Variants in RALGPS1 observed in about 807,000 individuals in gnomAD.
RALGPS1 encodes Ral GEF with PH domain and SH3 binding motif 1, also known as ras-specific guanine nucleotide-releasing factor RalGPS1.
A neutral mutation model predicts 78.8 loss-of-function variants in RALGPS1; 19 were observed. The ratio of observed to expected loss-of-function variants is 0.24; its 90% CI spans 0.17 to 0.35. The LOEUF is 0.35. Among genes scored for constraint, RALGPS1 ranks in the 10% least tolerant of loss-of-function variants. The probability of loss-of-function intolerance (pLI) is 1.00; values close to 1 mark genes in which losing one functional copy is unlikely to be tolerated. For synonymous variants in RALGPS1, 228 were observed against 256.3 expected (o/e 0.89, Z 1.06); for missense variants, 454 against 688.3 (o/e 0.66, Z 3.81).
chr9:126,951,428 T>A (rs2037805323), intron 1 of RALGPS1, among the ~76,000 whole-genome samples: 1 of 151,460 alleles, frequency 6.6e-6, no homozygotes, highest in South Asian at 2.1e-4. Flanking sequence ...AATAAAATAC[T>A]GGCAAACCGA....
chr9:127,021,262 G>A (rs965061546), intron 4 of RALGPS1, among the ~76,000 whole-genome samples: 6 of 152,074 alleles, frequency 3.9e-5, no homozygotes, highest in African/African-American at 9.7e-5. Context: ...AGCACTTTGC[G>A]AGGCCGAGGC....
chr9:126,970,830 T>C (rs1352291806), intron 3 of RALGPS1, among the ~76,000 whole-genome samples: 1 of 152,170 alleles, frequency 6.6e-6, no homozygotes, highest in East Asian at 1.9e-4. Flanking sequence ...TTCAGAGTTA[T>C]TGTACAAAAA....
chr9:127,115,640 T>C (rs755610194), intron 8 of RALGPS1, among the ~76,000 whole-genome samples: 3 of 152,246 alleles, frequency 2.0e-5, no homozygotes, highest in Non-Finnish European at 2.9e-5. Context: ...AGATTGTCTC[T>C]TCAACCAGTA....
chr9:127,166,026 G>T, intron 8 of RALGPS1, 43 bp from the exon 9 acceptor site: 2 of 1,575,738 alleles, frequency 1.3e-6, no homozygotes, highest in Non-Finnish European at 1.7e-6. Flanking sequence ...GTTCTGGTTT[G>T]TGGTAAGCTC....
intron 1 of RALGPS1, among the ~76,000 whole-genome samples, chr9:126,961,905 G>A (rs1456336674): frequency 6.6e-6 from 1 of 152,152 alleles, no homozygotes; most frequent in African/African-American, 2.4e-5. Flanking sequence ...CCAATCCAAG[G>A]GGCAGCCACC....
chr9:127,068,851 A>G (rs1369858655), intron 7 of RALGPS1, among the ~76,000 whole-genome samples: 1 of 152,216 alleles, frequency 6.6e-6, no homozygotes, highest in African/African-American at 2.4e-5. Flanking sequence ...GGTGCAGATT[A>G]TGCAGAAATT....
Position 127,210,545 on chromosome 9 carries a change from G to A in RALGPS1, c.1248-1586G>A, listed in dbSNP as rs192984760. The A allele has an allele frequency of 8.5e-4, 532 of 626,154 alleles. 5 individuals are homozygous for A. The highest frequency in any genetic ancestry group is 3.1e-3 in the East Asian group (112 of 36,366). 38.8% of individuals were successfully genotyped at this position (626,154 alleles called of 1,614,324 possible). A position where few individuals can be genotyped will look rare whatever the true frequency, so the allele number is the denominator to read the frequency against. On this transcript the variant is annotated intron_variant, in intron 14 of 18. Coordinates refer to ENST00000259351, the MANE Select transcript of RALGPS1 (RefSeq NM_014636.3). ...CTCCAGGTGTGCTTGTAGTGTGGCC[G>A]AGGAGGCTGGGGAGGAGTTGGGGAG...
chr9:127,126,414 A>T (rs2056621988), intron 8 of RALGPS1, among the ~76,000 whole-genome samples: 1 of 152,136 alleles, frequency 6.6e-6, no homozygotes, highest in Non-Finnish European at 1.5e-5. Context: ...TGTTTTTACT[A>T]AATTTGGGGA....
At chr9:127,155,757 T>C (rs2058674164) in intron 8 of RALGPS1, among the ~76,000 whole-genome samples, 1 of 152,202 alleles carries the variant, frequency 6.6e-6, no homozygotes, top group Admixed American at 6.5e-5. Context: ...AGTCAGTGTC[T>C]GTGGCCTTTA....
chr9:127,046,321 G>A (rs757315253), intron 5 of RALGPS1, among the ~76,000 whole-genome samples: 2 of 152,176 alleles, frequency 1.3e-5, no homozygotes, highest in Non-Finnish European at 2.9e-5. Context: ...TGCAGAGTTT[G>A]AAGTGGTAGT....
At chr9:127,135,617 C>T (rs2057337638) in intron 8 of RALGPS1, among the ~76,000 whole-genome samples, 1 of 152,218 alleles carries the variant, frequency 6.6e-6, no homozygotes, top group Non-Finnish European at 1.5e-5. Flanking sequence ...GGGAACCAGA[C>T]TAGGGGCCCT....
intron 3 of RALGPS1, among the ~76,000 whole-genome samples, chr9:126,968,949 G>A (rs1427723594): frequency 6.6e-6 from 1 of 152,102 alleles, no homozygotes; most frequent in Non-Finnish European, 1.5e-5. Context: ...TCAGGAGGCT[G>A]AGGCAGGAGA....
intron 8 of RALGPS1, among the ~76,000 whole-genome samples, chr9:127,081,867 C>T (rs1348215838): frequency 2.6e-5 from 4 of 152,220 alleles, no homozygotes; most frequent in Non-Finnish European, 4.4e-5. Context: ...GGAGGTGCCG[C>T]ATGTGGCAGC....
intron 8 of RALGPS1, among the ~76,000 whole-genome samples, chr9:127,153,407 TC>T: frequency 6.9e-6 from 1 of 144,186 alleles, no homozygotes; most frequent in African/African-American, 2.5e-5. Context: ...TTTAGCAGTT[TC>T]ATGCCCTTAA....
intron 8 of RALGPS1, among the ~76,000 whole-genome samples, chr9:127,082,271 C>T (rs1189524353): frequency 2.0e-5 from 3 of 152,200 alleles, no homozygotes; most frequent in Non-Finnish European, 4.4e-5. Flanking sequence ...AGCTGTAGGA[C>T]AGTTGGCAAG....
At chr9:127,064,496 A>T (rs2049503146) in intron 7 of RALGPS1, among the ~76,000 whole-genome samples, 2 of 152,370 alleles carry the variant, frequency 1.3e-5, no homozygotes, top group South Asian at 4.1e-4. Context: ...AGGTTTAGTG[A>T]AACAACTAAC....
chr9:126,960,390 C>G (rs1238177025), intron 1 of RALGPS1, among the ~76,000 whole-genome samples: 1 of 151,688 alleles, frequency 6.6e-6, no homozygotes, highest in African/African-American at 2.4e-5. Flanking sequence ...CCTGCCACCA[C>G]GCCCGGCTAA....
chr9:126,962,114 C>G (rs1310207869), intron 1 of RALGPS1, 111 bp from the exon 2 acceptor site: 2 of 620,004 alleles, frequency 3.2e-6, no homozygotes, highest in Non-Finnish European at 5.7e-6. Flanking sequence ...TATGACCTTT[C>G]TTTAAAGGTC....
rs568743478 is a variant in RALGPS1 at position 127,150,233 on chromosome 9, A to G, written c.611-15836A>G. ...CTGCAGGCTCCCATTCTCCCACCCCATGCTCTGAGGCAGCTCCCTTGACCC... is the reference window on the plus strand; with the variant it reads ...CTGCAGGCTCCCATTCTCCCACCCCGTGCTCTGAGGCAGCTCCCTTGACCC... On this transcript the variant is annotated intron_variant, in intron 8 of 18. Coordinates refer to ENST00000259351, the MANE Select transcript of RALGPS1 (RefSeq NM_014636.3). Among the ~76,000 whole-genome samples the G allele has an allele frequency of 2.6e-5, 4 of 152,072 alleles. No individual in the cohort carries two copies. The East Asian group carries it at 5.8e-4, about 22-fold the overall frequency.
Sources: gnomAD v4.1 joint callset for allele counts (sites outside exome capture counted in the v4.1 genomes callset) on GRCh38, gnomAD v4.1.1 for gene constraint, MANE v1.5 for transcripts, NCBI Gene and HGNC (gene_info 2026-07-23, HGNC 2026-07-21) for gene names.